GMDS: variants seen among roughly 807,000 people sequenced by gnomAD.
GMDS encodes the protein GDP-mannose 4,6-dehydratase, also known as GDP-mannose 4,6 dehydratase.
In GMDS, 20 loss-of-function variants were observed where a neutral mutation model predicts 49.9. That is an observed-to-expected ratio of 0.40 (90% confidence interval 0.28 to 0.58). GMDS has a LOEUF of 0.58. Among genes scored for constraint, GMDS ranks in the 20% least tolerant of loss-of-function variants. GMDS has a pLI of 0.42. For synonymous variants in GMDS, 177 were observed against 178.6 expected (o/e 0.99, Z 0.07); for missense variants, 362 against 481.4 (o/e 0.75, Z 2.32).
At chr6:2,057,341 AAATG>A (rs1215370141) in intron 4 of GMDS, among the ~76,000 whole-genome samples, 2 of 152,208 alleles carry the variant, frequency 1.3e-5, no homozygotes, top group African/African-American at 4.8e-5. Context: ...AATAATTACT[AAATG>A]AATGAACAAA....
chr6:1,640,414 G>C lies in GMDS; in HGVS notation c.988-15874C>G, dbSNP rs1763295057. Among the ~76,000 whole-genome samples the C allele has an allele frequency of 6.6e-6, 1 of 152,122 alleles. No individual in the cohort carries two copies. ...GCAGGTGTGTTATGCACCTGTCACG[G>C]GGTAAGGCCTTCCACGTATGCTCGC... On this transcript the variant is annotated intron_variant, in intron 9 of 10. Transcript: ENST00000380815. This position sits in a 1 kb window ranked among gnomAD's most constrained non-coding sequence, Gnocchi z 4.0.
chr6:2,131,686 G>A (rs1245058651), intron 1 of GMDS, among the ~76,000 whole-genome samples: 1 of 152,142 alleles, frequency 6.6e-6, no homozygotes, highest in Non-Finnish European at 1.5e-5. Flanking sequence ...TCTATTAACA[G>A]CCTACGTGTG....
intron 4 of GMDS, among the ~76,000 whole-genome samples, chr6:1,972,339 T>A (rs939599009): frequency 6.6e-6 from 1 of 151,358 alleles, no homozygotes; most frequent in African/African-American, 2.4e-5. Context: ...CCATATTAGA[T>A]GCCTTTTCTC....
chr6:1,668,553 T>C (rs1561713751), intron 9 of GMDS, among the ~76,000 whole-genome samples: 1 of 151,970 alleles, frequency 6.6e-6, no homozygotes, highest in Non-Finnish European at 1.5e-5. Context: ...CTACTAAAAA[T>C]ACAAAAATTA....
intron 4 of GMDS, among the ~76,000 whole-genome samples, chr6:2,032,574 A>C (rs996185815): frequency 2.0e-5 from 3 of 152,208 alleles, no homozygotes; most frequent in African/African-American, 4.8e-5. Flanking sequence ...ACTGATGCCT[A>C]CTACACAACA....
chr6:2,038,061 G>T (rs191587696), intron 4 of GMDS, among the ~76,000 whole-genome samples: 7 of 152,074 alleles, frequency 4.6e-5, no homozygotes, highest in South Asian at 2.1e-4. Context: ...AGAGGGTTGG[G>T]GGGGAGGTGG....
intron 8 of GMDS, among the ~76,000 whole-genome samples, chr6:1,740,687 AT>A (rs35221392): frequency 2.2e-4 from 33 of 149,848 alleles, no homozygotes; most frequent in African/African-American, 5.6e-4. Flanking sequence ...AAGAAGGCCA[AT>A]TTTTTTTTTT....
At chr6:2,124,802 T>C in intron 1 of GMDS, 71 bp from the exon 2 acceptor site, 3 of 1,199,338 alleles carry the variant, frequency 2.5e-6, no homozygotes, top group Admixed American at 1.9e-5. Flanking sequence ...GATGAAGAGT[T>C]TTGAGAAAAG....
intron 9 of GMDS, among the ~76,000 whole-genome samples, chr6:1,686,597 T>A (rs1037291374): frequency 1.3e-5 from 2 of 152,222 alleles, no homozygotes; most frequent in African/African-American, 2.4e-5. Flanking sequence ...ATTTAAAGGA[T>A]CTAAATAGAT....
At chr6:2,093,141 C>T (rs745605746) in intron 4 of GMDS, among the ~76,000 whole-genome samples, 1 of 152,150 alleles carries the variant, frequency 6.6e-6, no homozygotes, top group South Asian at 2.1e-4. Context: ...AGTCTTTCCA[C>T]GTCCAACTAC....
At chr6:1,880,816 C>CAGCT (rs1416044242) in intron 7 of GMDS, among the ~76,000 whole-genome samples, 1 of 152,016 alleles carries the variant, frequency 6.6e-6, no homozygotes, top group Non-Finnish European at 1.5e-5. Flanking sequence ...CAACAATGGC[C>CAGCT]AGCTGGAAAT....
intron 1 of GMDS, among the ~76,000 whole-genome samples, chr6:2,171,872 G>T (rs1388208617): frequency 6.6e-6 from 1 of 152,080 alleles, no homozygotes; most frequent in East Asian, 1.9e-4. Flanking sequence ...AAATAAGGAA[G>T]GAAACTAAAA....
At chr6:1,928,795 C>A (rs992498415) in intron 7 of GMDS, among the ~76,000 whole-genome samples, 2 of 152,002 alleles carry the variant, frequency 1.3e-5, no homozygotes, top group African/African-American at 4.8e-5. Context: ...ATGGTGAAAC[C>A]CCATCTCTGC....
intron 7 of GMDS, among the ~76,000 whole-genome samples, chr6:1,789,519 CTTTTTCTTTTTTCTTTT>C (rs1302476056): frequency 1.5e-5 from 2 of 135,440 alleles, no homozygotes; most frequent in African/African-American, 6.0e-5. Context: ...ATTATTTTTT[CTTTTTCTTTTTTCTTTT>C]TTTTTTTTTT....
At chr6:2,214,327 C>A (rs1780215915) in intron 1 of GMDS, among the ~76,000 whole-genome samples, 1 of 152,138 alleles carries the variant, frequency 6.6e-6, no homozygotes, top group Admixed American at 6.5e-5. Context: ...GCCCCTATAT[C>A]CATCGGTTCC....
intron 4 of GMDS, among the ~76,000 whole-genome samples, chr6:2,094,658 G>T (rs541991601): frequency 6.6e-6 from 1 of 152,270 alleles, no homozygotes; most frequent in Admixed American, 6.5e-5. Context: ...TGCAGTTTAG[G>T]GGTTGAGGGG....
At chr6:1,969,488 C>T (rs1764479068) in intron 4 of GMDS, among the ~76,000 whole-genome samples, 1 of 152,056 alleles carries the variant, frequency 6.6e-6, no homozygotes, top group Non-Finnish European at 1.5e-5. Flanking sequence ...AGGCTGAACA[C>T]ATTACAGGCT....
intron 4 of GMDS, among the ~76,000 whole-genome samples, chr6:2,100,689 A>C (rs1319120232): frequency 6.6e-6 from 1 of 152,054 alleles, no homozygotes. Context: ...GATAGTATAC[A>C]TAGCATCAGA....
At chr6:2,143,764 G>C (rs1165407488) in intron 1 of GMDS, among the ~76,000 whole-genome samples, 1 of 151,984 alleles carries the variant, frequency 6.6e-6, no homozygotes, top group Non-Finnish European at 1.5e-5. Context: ...AGGTCCCTCT[G>C]GTTAAATCCA....
Sources: gnomAD v4.1 joint callset for allele counts (sites outside exome capture counted in the v4.1 genomes callset) on GRCh38, gnomAD v4.1.1 for gene constraint, Gnocchi (gnomAD v3.1) non-coding constraint, MANE v1.5 for transcripts, NCBI Gene and HGNC (gene_info 2026-07-23, HGNC 2026-07-21) for gene names.